The following CYTH3 variants were observed in gnomAD, a reference collection of about 807,000 sequenced individuals.
CYTH3 encodes cytohesin-3.
CYTH3 carries 23 observed loss-of-function variants against 55.1 expected under a neutral mutation model. The observed-to-expected ratio is 0.42, with a 90% confidence interval of 0.30 to 0.59. The LOEUF is 0.59. Ranked by LOEUF, CYTH3 falls within the 20% of genes least tolerant of loss-of-function variation. The probability of loss-of-function intolerance (pLI) is 0.20; values close to 1 mark genes in which losing one functional copy is unlikely to be tolerated. For synonymous variants in CYTH3, 249 were observed against 194.9 expected (o/e 1.28, Z -2.31); for missense variants, 413 against 524.8 (o/e 0.79, Z 2.08).
chr7:6,230,746 C>A lies in CYTH3; in HGVS notation c.35-40215G>T, dbSNP rs181925332. Among the ~76,000 whole-genome samples, 43 of 152,020 alleles carry A rather than the reference C, an allele frequency of 2.8e-4. No homozygotes were observed. In the East Asian group the frequency reaches 7.9e-3, roughly 28 times the overall value. Reference sequence around the variant, plus strand: ...TTACTACATGAAAACAAGTCTACAACATAGTAAATGAAAAAAAATGGGTAC... The same window carrying A: ...TTACTACATGAAAACAAGTCTACAAAATAGTAAATGAAAAAAAATGGGTAC... On this transcript the variant is annotated intron_variant, in intron 1 of 12. Coordinates refer to ENST00000350796, the MANE Select transcript of CYTH3 (RefSeq NM_004227.4).
intron 1 of CYTH3, among the ~76,000 whole-genome samples, chr7:6,249,958 G>A (rs887585928): frequency 6.6e-6 from 1 of 152,164 alleles, no homozygotes; most frequent in Non-Finnish European, 1.5e-5. Context: ...GAGGTCTCCA[G>A]AATTTATTCA....
intron 1 of CYTH3, among the ~76,000 whole-genome samples, chr7:6,206,959 A>G (rs749864752): frequency 1.2e-4 from 18 of 152,150 alleles, no homozygotes; most frequent in Non-Finnish European, 2.2e-4. Flanking sequence ...ATAAAATCTA[A>G]AACCCATCAA....
intron 1 of CYTH3, among the ~76,000 whole-genome samples, chr7:6,248,321 G>A (rs1472779573): frequency 6.7e-6 from 1 of 149,148 alleles, no homozygotes; most frequent in Non-Finnish European, 1.5e-5. Context: ...TATTGTTGCT[G>A]TTTTCTAACT....
rs531769565 is a variant in CYTH3, at chr7:6,186,108, G to A, written c.249+942C>T. 3.1e-4 allele frequency among the ~76,000 whole-genome samples: 47 copies of A among 151,948 alleles called. 1 individual carries two copies. Among genetic ancestry groups the A allele is most frequent in the Non-Finnish European group, 3.7e-4 (25 of 67,988 alleles). On this transcript the variant is annotated intron_variant, in intron 4 of 12. Transcript: ENST00000350796. ...AAATACAAAAAATTAGCCGGGCGTGGTGGCGGGCGCCTGTAGTCTCAGCTA... is the reference window on the plus strand; with the variant it reads ...AAATACAAAAAATTAGCCGGGCGTGATGGCGGGCGCCTGTAGTCTCAGCTA...
Position 6,212,993 on chromosome 7 carries a change from T to C in CYTH3, c.35-22462A>G, listed in dbSNP as rs1265639277. ...ACAGTCATCTCATCTTTAATAGGGATAACAGTAACTACTGCACCTAGAAGT... is the reference window on the plus strand; with the variant it reads ...ACAGTCATCTCATCTTTAATAGGGACAACAGTAACTACTGCACCTAGAAGT... On this transcript the variant is annotated intron_variant, in intron 1 of 12. Coordinates refer to ENST00000350796, the MANE Select transcript of CYTH3 (RefSeq NM_004227.4). 2.0e-5 allele frequency among the ~76,000 whole-genome samples: 3 copies of C among 152,246 alleles called. No homozygotes were observed. The South Asian group carries it at 6.2e-4, about 31-fold the overall frequency.
chr7:6,198,084 A>G (rs1456850635), intron 1 of CYTH3, among the ~76,000 whole-genome samples: 1 of 149,512 alleles, frequency 6.7e-6, no homozygotes, highest in African/African-American at 2.5e-5. Flanking sequence ...ACAGAGTGAG[A>G]CACTCTTAAG....
chr7:6,264,485 G>A (rs1282905215), intron 1 of CYTH3, among the ~76,000 whole-genome samples: 1 of 151,412 alleles, frequency 6.6e-6, no homozygotes, highest in African/African-American at 2.4e-5. Context: ...GGTGGCGCCT[G>A]CCTGTAATCC....
intron 4 of CYTH3, among the ~76,000 whole-genome samples, chr7:6,182,470 TC>T (rs1201607340): frequency 6.6e-6 from 1 of 152,184 alleles, no homozygotes; most frequent in Non-Finnish European, 1.5e-5. Flanking sequence ...TGCCTTAGCC[TC>T]CCAGTAGTTG....
intron 1 of CYTH3, among the ~76,000 whole-genome samples, chr7:6,231,816 C>T (rs1169579770): frequency 6.6e-6 from 1 of 152,082 alleles, no homozygotes; most frequent in Non-Finnish European, 1.5e-5. Context: ...ATGATCAAAC[C>T]AAAGGGCAGG....
chr7:6,186,314 C>T (rs997361162), intron 4 of CYTH3, among the ~76,000 whole-genome samples: 2 of 151,522 alleles, frequency 1.3e-5, no homozygotes, highest in African/African-American at 4.9e-5. Context: ...AGCTCTGCAG[C>T]GAGACCTTCC....
In CYTH3 at chr7:6,176,254, A is replaced by ATTTTTTTTT. The variant is rs776819156; in HGVS notation, c.368+1560_368+1568dup. Among the ~76,000 whole-genome samples the ATTTTTTTTT allele has an allele frequency of 6.0e-5, 5 of 82,868 alleles. 1 individual carries two copies. The highest frequency in any genetic ancestry group is 1.6e-4 in the African/African-American group (3 of 18,808). 54.4% of individuals were successfully genotyped at this position (82,868 alleles called of 152,430 possible). A position where few individuals can be genotyped will look rare whatever the true frequency, so the allele number is the denominator to read the frequency against. On this transcript the variant is annotated intron_variant, in intron 5 of 12. Transcript: ENST00000350796. ...TTGCTATTGTATAGAAATACAATTG[A>ATTTTTTTTT]TTTTTTTTTTTTTTTTTTTTTTTTT...
intron 5 of CYTH3, among the ~76,000 whole-genome samples, chr7:6,175,078 ACT>A (rs1783309069): frequency 6.6e-6 from 1 of 152,220 alleles, no homozygotes; most frequent in Non-Finnish European, 1.5e-5. Flanking sequence ...TCTGCTAAGG[ACT>A]TACATCTAGA....
chr7:6,207,991 C>A (rs908368108), intron 1 of CYTH3, among the ~76,000 whole-genome samples: 1 of 151,942 alleles, frequency 6.6e-6, no homozygotes, highest in South Asian at 2.1e-4. Flanking sequence ...ATAAAAAAAA[C>A]GATTAATAAC....
intron 1 of CYTH3, among the ~76,000 whole-genome samples, chr7:6,246,426 C>A (rs180767978): frequency 6.6e-6 from 1 of 152,134 alleles, no homozygotes; most frequent in African/African-American, 2.4e-5. Context: ...AGAATTTTTG[C>A]GTGACATGAC....
Position 6,165,441 on chromosome 7 carries a change from A to C in CYTH3, c.973-14T>G. ...CTCAAAACAGTTCTGGTGGAGAAAGAGAGAGGGGAGGCGGTCAGGGGGGCT... is the reference window on the plus strand; with the variant it reads ...CTCAAAACAGTTCTGGTGGAGAAAGCGAGAGGGGAGGCGGTCAGGGGGGCT... On this transcript the variant is annotated splice_polypyrimidine_tract_variant and intron_variant, in intron 11 of 12. Transcript: ENST00000350796. 1 of 1,610,602 alleles carries C rather than the reference A, an allele frequency of 6.2e-7. No individual in the cohort carries two copies. Among genetic ancestry groups the C allele is most frequent in the Non-Finnish European group, 8.5e-7 (1 of 1,177,762 alleles).
At chr7:6,201,412 T>C (rs1784057049) in intron 1 of CYTH3, among the ~76,000 whole-genome samples, 1 of 152,190 alleles carries the variant, frequency 6.6e-6, no homozygotes, top group Non-Finnish European at 1.5e-5. Flanking sequence ...TCAATCTCCA[T>C]GTGGTGATCT....
At chr7:6,191,425 CA>C (rs989802951) in intron 1 of CYTH3, among the ~76,000 whole-genome samples, 5 of 152,188 alleles carry the variant, frequency 3.3e-5, no homozygotes, top group African/African-American at 4.8e-5. Flanking sequence ...TGTGTGAAAA[CA>C]GTTATTTATA....
intron 1 of CYTH3, among the ~76,000 whole-genome samples, chr7:6,231,708 A>G (rs1779394656): frequency 6.6e-6 from 1 of 152,256 alleles, no homozygotes; most frequent in African/African-American, 2.4e-5. Flanking sequence ...AGAAACAAAT[A>G]AAAACTTATC....
In CYTH3 at chr7:6,170,727, G is replaced by A. The variant is rs956708143; in HGVS notation, c.712-81C>T. On this transcript the variant is annotated intron_variant, in intron 8 of 12. Transcript: ENST00000350796. The surrounding 1 kb of genome is among the most constrained non-coding windows in gnomAD (Gnocchi z 7.8). ...GGGCAGAAAGCTCAGCGGGACCAGG[G>A]CGGCAAGGAGGCTTGGGAGGCGTGT... The A allele has an allele frequency of 7.0e-6, 11 of 1,568,702 alleles. No individual in the cohort carries two copies. Among genetic ancestry groups the A allele is most frequent in the Admixed American group, 1.9e-5 (1 of 53,658 alleles).
Sources: allele counts gnomAD v4.1 joint callset (sites outside exome capture counted in the v4.1 genomes callset), GRCh38; gene constraint gnomAD v4.1.1; non-coding constraint Gnocchi (gnomAD v3.1); transcripts MANE v1.5; gene names NCBI Gene and HGNC (gene_info 2026-07-23, HGNC 2026-07-21).